Variants in EPHA6 observed in about 807,000 individuals in gnomAD.
The protein encoded by EPHA6 is EPH receptor A6.
A neutral mutation model predicts 112.0 loss-of-function variants in EPHA6; 50 were observed. That is an observed-to-expected ratio of 0.45 (90% CI 0.36 to 0.56). EPHA6 has a LOEUF of 0.56. Among genes scored for constraint, EPHA6 ranks in the 20% least tolerant of loss-of-function variants. The probability of loss-of-function intolerance (pLI) is 0.00; values close to 1 mark genes in which losing one functional copy is unlikely to be tolerated. For missense variants in EPHA6, 1,280 were observed against 1,417.4 expected (o/e 0.90, Z 1.56); for synonymous variants, 529 against 490.7 (o/e 1.08, Z -1.03).
intron 2 of EPHA6, among the ~76,000 whole-genome samples, chr3:96,875,063 C>A (rs2036864654): frequency 6.6e-6 from 1 of 152,050 alleles, no homozygotes; most frequent in South Asian, 2.1e-4. Flanking sequence ...AGGTCCAATT[C>A]TTAGTTTTTC....
At chr3:96,893,295 A>T (rs1043566562) in intron 2 of EPHA6, among the ~76,000 whole-genome samples, 1 of 152,162 alleles carries the variant, frequency 6.6e-6, no homozygotes, top group African/African-American at 2.4e-5. Flanking sequence ...ATTTCTACTT[A>T]TAAAAAAGTT....
chr3:97,713,541 G>C (rs981604321), intron 14 of EPHA6, among the ~76,000 whole-genome samples: 1 of 152,102 alleles, frequency 6.6e-6, no homozygotes, highest in African/African-American at 2.4e-5. Flanking sequence ...TAAAAATACT[G>C]TGCCAAAAAA....
intron 3 of EPHA6, among the ~76,000 whole-genome samples, chr3:97,174,641 A>G (rs575544584): frequency 1.3e-5 from 2 of 152,024 alleles, no homozygotes; most frequent in East Asian, 1.9e-4. Flanking sequence ...CATTTCTGTA[A>G]TGATCAGTGG....
At chr3:96,924,149 A>T (rs1399813627) in intron 2 of EPHA6, among the ~76,000 whole-genome samples, 2 of 152,098 alleles carry the variant, frequency 1.3e-5, no homozygotes, top group Admixed American at 6.6e-5. Flanking sequence ...TAGTTTTAAA[A>T]AATAGTTTTT....
Position 96,906,428 on chromosome 3 carries a change from A to G in EPHA6, c.450+39539A>G, listed in dbSNP as rs564911173. ...CTTGGAACCCTATTCTTCATGCTCTAACACCTACTCCGCAATGCATCAAGA... is the reference window on the plus strand; with the variant it reads ...CTTGGAACCCTATTCTTCATGCTCTGACACCTACTCCGCAATGCATCAAGA... On this transcript the variant is annotated intron_variant, in intron 2 of 17. Coordinates refer to ENST00000389672, the MANE Select transcript of EPHA6 (RefSeq NM_001080448.3). Among the ~76,000 whole-genome samples, 338 of 152,082 alleles carry G rather than the reference A, an allele frequency of 2.2e-3. 1 individual carries two copies. Among genetic ancestry groups the G allele is most frequent in the Non-Finnish European group, 2.3e-3 (155 of 67,936 alleles).
intron 5 of EPHA6, among the ~76,000 whole-genome samples, chr3:97,372,866 A>T (rs2085139638): frequency 6.6e-6 from 1 of 152,156 alleles, no homozygotes; most frequent in Non-Finnish European, 1.5e-5. Flanking sequence ...ATTTGGGAAT[A>T]AAAAACGAGA....
chr3:97,171,044 G>A (rs2076686026), intron 3 of EPHA6, among the ~76,000 whole-genome samples: 1 of 152,128 alleles, frequency 6.6e-6, no homozygotes, highest in Admixed American at 6.5e-5. Flanking sequence ...CTGAAAAGGA[G>A]TGAGAAACTC....
chr3:97,190,350 G>A (rs1031181524), intron 3 of EPHA6, among the ~76,000 whole-genome samples: 4 of 151,996 alleles, frequency 2.6e-5, no homozygotes, highest in African/African-American at 4.8e-5. Context: ...TGTCCCTTAG[G>A]AACAGCCCTC....
At chr3:96,905,424 T>C (rs1442659398) in intron 2 of EPHA6, among the ~76,000 whole-genome samples, 4 of 152,032 alleles carry the variant, frequency 2.6e-5, no homozygotes, top group Non-Finnish European at 5.9e-5. Flanking sequence ...GGCACTTGGC[T>C]TGATCATCTA....
At chr3:96,831,789 TATAAG>T (rs2034099561) in intron 1 of EPHA6, among the ~76,000 whole-genome samples, 2 of 152,224 alleles carry the variant, frequency 1.3e-5, no homozygotes, top group African/African-American at 2.4e-5. Flanking sequence ...ATAAATTACT[TATAAG>T]ATATTAGATA....
chr3:97,047,834 T>C (rs2045563410), intron 3 of EPHA6, among the ~76,000 whole-genome samples: 2 of 152,154 alleles, frequency 1.3e-5, no homozygotes, highest in Non-Finnish European at 2.9e-5. Flanking sequence ...ATTTTCCTTC[T>C]GAAGGAAATA....
chr3:97,150,933 CTAAT>C (rs1363944970), intron 3 of EPHA6, among the ~76,000 whole-genome samples: 1 of 152,050 alleles, frequency 6.6e-6, no homozygotes, highest in Non-Finnish European at 1.5e-5. Flanking sequence ...AATTAATTCA[CTAAT>C]TCATTCATTT....
At chr3:97,257,846 C>A (rs2108612317) in intron 5 of EPHA6, among the ~76,000 whole-genome samples, 2 of 151,958 alleles carry the variant, frequency 1.3e-5, no homozygotes, top group East Asian at 3.9e-4. Flanking sequence ...ATAATGTTTA[C>A]AATATTGTGT....
intron 3 of EPHA6, among the ~76,000 whole-genome samples, chr3:97,048,645 G>T (rs1016987118): frequency 9.2e-5 from 14 of 152,076 alleles, no homozygotes; most frequent in Admixed American, 2.0e-4. Flanking sequence ...AACCACAGGG[G>T]TCATTAGATC....
rs182512196 is a variant in EPHA6, at chr3:97,580,950, G to A, written c.2387-11662G>A. Among the ~76,000 whole-genome samples, 494 of 152,282 alleles carry A rather than the reference G, an allele frequency of 3.2e-3. 2 individuals carry two copies. Among genetic ancestry groups the A allele is most frequent in the African/African-American group, 0.011 (460 of 41,550 alleles). On this transcript the variant is annotated intron_variant, in intron 11 of 17. Coordinates refer to ENST00000389672, the MANE Select transcript of EPHA6 (RefSeq NM_001080448.3). ...ACTTTGCTTCGAGGCCATAGTTGAG[G>A]TGAAATTGGCTGGCTCCTATACAGG...
intron 3 of EPHA6, among the ~76,000 whole-genome samples, chr3:97,060,872 C>A (rs1263397132): frequency 7.6e-6 from 1 of 131,612 alleles, no homozygotes; most frequent in African/African-American, 3.0e-5. Flanking sequence ...TACAGTGAGC[C>A]GAGATTGCGC....
At chr3:97,131,047 T>A (rs191689067) in intron 3 of EPHA6, among the ~76,000 whole-genome samples, 106 of 152,222 alleles carry the variant, frequency 7.0e-4, no homozygotes, top group African/African-American at 2.5e-3. Flanking sequence ...TTGATTTATA[T>A]CTGTAGAAAC....
intron 3 of EPHA6, among the ~76,000 whole-genome samples, chr3:97,089,577 C>T (rs1308347180): frequency 1.3e-5 from 2 of 152,048 alleles, no homozygotes; most frequent in African/African-American, 4.8e-5. Flanking sequence ...TTTCCAATTC[C>T]ACACATTGTT....
At chr3:97,382,150 A>T (rs2085787131) in intron 5 of EPHA6, among the ~76,000 whole-genome samples, 1 of 152,098 alleles carries the variant, frequency 6.6e-6, no homozygotes, top group South Asian at 2.1e-4. Context: ...ATAAGTATAC[A>T]GTATTAGCAG....
Sources: gnomAD v4.1 joint callset for allele counts (sites outside exome capture counted in the v4.1 genomes callset) on GRCh38, gnomAD v4.1.1 for gene constraint, MANE v1.5 for transcripts, NCBI Gene and HGNC (gene_info 2026-07-23, HGNC 2026-07-21) for gene names.